Variants in EXTL3 observed in about 807,000 individuals in gnomAD.
EXTL3 encodes exostosin like glycosyltransferase 3.
Under a neutral mutation model 69.3 loss-of-function variants are expected in EXTL3, and 27 were observed. That is an observed-to-expected ratio of 0.39 (90% CI 0.29 to 0.54). EXTL3 has a LOEUF of 0.54. Ranked by LOEUF, EXTL3 falls within the 20% of genes least tolerant of loss-of-function variation. EXTL3 has a pLI of 0.69. For synonymous variants in EXTL3, 511 were observed against 499.4 expected (o/e 1.02, Z -0.31); for missense variants, 1,003 against 1,231.8 (o/e 0.81, Z 2.78).
At chr8:28,659,902 A>G (rs1055104705) in intron 1 of EXTL3, among the ~76,000 whole-genome samples, 1 of 152,182 alleles carries the variant, frequency 6.6e-6, no homozygotes, top group African/African-American at 2.4e-5. Context: ...CTGGGGGTCC[A>G]GGGGTTTTCA....
Position 28,638,938 on chromosome 8 carries a change from AT to A in EXTL3, c.-53+16145del, listed in dbSNP as rs61228702. 8.2e-3 allele frequency among the ~76,000 whole-genome samples: 1,119 copies of A among 136,038 alleles called. 2 individuals are homozygous for A. The highest frequency in any genetic ancestry group is 0.012 in the Admixed American group (159 of 13,620). 89.2% of individuals were successfully genotyped at this position (136,038 alleles called of 152,430 possible). Reference sequence around the variant, plus strand: ...GAGCCACTGAGCCTGGCTAGGAATAATTTTTTTTTTTTTTTTTGAGATGGAG... The same window carrying A: ...GAGCCACTGAGCCTGGCTAGGAATAATTTTTTTTTTTTTTTTGAGATGGAG... On this transcript the variant is annotated intron_variant, in intron 1 of 6. Transcript: ENST00000523149.
upstream of EXTL3, among the ~76,000 whole-genome samples, chr8:28,619,307 A>C (rs1033847231): frequency 1.6e-4 from 18 of 112,962 alleles, no homozygotes; most frequent in South Asian, 1.4e-3. Context: ...AAAAAAAAAA[A>C]AAAAAAAACC....
intron 1 of EXTL3, among the ~76,000 whole-genome samples, chr8:28,638,102 T>C (rs1490535737): frequency 2.6e-5 from 4 of 152,222 alleles, no homozygotes; most frequent in African/African-American, 9.6e-5. Flanking sequence ...CTTGGTCTTA[T>C]CTTCCTGGAT....
chr8:28,701,944 A>T (rs1585260373), intron 1 of EXTL3, among the ~76,000 whole-genome samples: 1 of 142,986 alleles, frequency 7.0e-6, no homozygotes, highest in African/African-American at 2.7e-5. Context: ...CCCCGCCCCC[A>T]CACGCCCTCT....
At chr8:28,635,098 T>G (rs985804340) in intron 1 of EXTL3, among the ~76,000 whole-genome samples, 22 of 152,114 alleles carry the variant, frequency 1.4e-4, no homozygotes, top group Non-Finnish European at 2.8e-4. Flanking sequence ...AGGAATGAAC[T>G]TTCTAGCTCA....
In EXTL3 at chr8:28,708,426, C is replaced by CTTTTT. The variant is rs71549693; in HGVS notation, c.-569-5015_-569-5011dup. The stretch of plus-strand genomic sequence containing the variant: ...TACAATTAGTTTCCCTGGGAAGTGC[C>CTTTTT]TTTTTTTTTTTTTTTTTTTTAAACA... On this transcript the variant is annotated intron_variant, in intron 1 of 6. Transcript: ENST00000220562. Among the ~76,000 whole-genome samples, 3 of 118,750 alleles carry CTTTTT rather than the reference C, an allele frequency of 2.5e-5. 1 individual carries two copies. The highest frequency in any genetic ancestry group is 2.5e-4 in the East Asian group (1 of 4,054). The allele number at this position is 118,750 out of a possible 152,430, so 77.9% of individuals were successfully genotyped here.
intron 1 of EXTL3, among the ~76,000 whole-genome samples, chr8:28,691,955 G>C (rs1800622604): frequency 1.3e-5 from 2 of 152,198 alleles, no homozygotes; most frequent in East Asian, 3.9e-4. Context: ...GATAAATAGA[G>C]CATTATTGAA....
At chr8:28,646,203 ATTAATGTAATTATTTTATATAGT>A (rs1217850416) in intron 1 of EXTL3, among the ~76,000 whole-genome samples, 1 of 152,232 alleles carries the variant, frequency 6.6e-6, no homozygotes, top group African/African-American at 2.4e-5. Context: ...CAGAGCTTAT[ATTAATGTAATTATTTTATATAGT>A]TCTTTTTCCT....
At chr8:28,660,685 C>T (rs1293754382) in intron 1 of EXTL3, among the ~76,000 whole-genome samples, 2 of 152,044 alleles carry the variant, frequency 1.3e-5, no homozygotes, top group Non-Finnish European at 2.9e-5. Flanking sequence ...ACTCTGTACC[C>T]ACTAAATACT....
chr8:28,686,078 T>C (rs1807572469), intron 1 of EXTL3: 1 of 152,036 alleles, frequency 6.6e-6, no homozygotes, highest in African/African-American at 2.4e-5. Flanking sequence ...GTTTTTCAGG[T>C]TGGTCTCTAA....
At chr8:28,651,757 A>G (rs1171110148) in intron 1 of EXTL3, among the ~76,000 whole-genome samples, 1 of 152,218 alleles carries the variant, frequency 6.6e-6, no homozygotes, top group Non-Finnish European at 1.5e-5. Flanking sequence ...AGTGGCATTC[A>G]TTACATTCAT....
intron 1 of EXTL3, among the ~76,000 whole-genome samples, chr8:28,629,710 C>T (rs534935704): frequency 1.4e-4 from 21 of 152,138 alleles, no homozygotes; most frequent in Admixed American, 4.6e-4. Context: ...GGTTCCAATT[C>T]GGATGTGTGT....
intron 3 of EXTL3, among the ~76,000 whole-genome samples, chr8:28,724,288 C>G (rs1387709346): frequency 6.6e-6 from 1 of 152,158 alleles, no homozygotes; most frequent in Admixed American, 6.5e-5. Flanking sequence ...AACTTTTTCT[C>G]TTATAAGTTA....
At chr8:28,616,621 C>T (rs1406873300) in intron 2 of EXTL3, among the ~76,000 whole-genome samples, 3 of 142,216 alleles carry the variant, frequency 2.1e-5, no homozygotes, top group Non-Finnish European at 4.6e-5. Flanking sequence ...AGCGAGACTC[C>T]GTCTCAAAAA....
intron 2 of EXTL3, among the ~76,000 whole-genome samples, chr8:28,615,947 TCA>T: frequency 6.6e-6 from 1 of 152,132 alleles, no homozygotes; most frequent in South Asian, 2.1e-4. Context: ...ATTAAATCTA[TCA>T]GTAGGCCAGG....
intron 2 of EXTL3, among the ~76,000 whole-genome samples, chr8:28,714,390 A>C (rs13248618): frequency 6.6e-6 from 1 of 152,160 alleles, no homozygotes; most frequent in Non-Finnish European, 1.5e-5. Flanking sequence ...AGACTATTAC[A>C]CCTTTAATAG....
chr8:28,702,545 G>T (rs999870114), intron 1 of EXTL3, among the ~76,000 whole-genome samples: 1 of 151,716 alleles, frequency 6.6e-6, no homozygotes, highest in Non-Finnish European at 1.5e-5. Context: ...AAATTTTGTG[G>T]ATTTTGCCCC....
At chr8:28,728,024 C>T (rs1801449398) in intron 3 of EXTL3, among the ~76,000 whole-genome samples, 3 of 152,130 alleles carry the variant, frequency 2.0e-5, no homozygotes, top group South Asian at 2.1e-4. Context: ...TCATTTTAAG[C>T]TGTGTGAGGG....
intron 2 of EXTL3, among the ~76,000 whole-genome samples, chr8:28,616,788 C>T (rs1466574022): frequency 1.3e-5 from 2 of 152,132 alleles, no homozygotes; most frequent in African/African-American, 4.8e-5. Flanking sequence ...CATCAGGGTT[C>T]CCAGGAAACA....
Sources: gnomAD v4.1 joint callset for allele counts (sites outside exome capture counted in the v4.1 genomes callset) on GRCh38, gnomAD v4.1.1 for gene constraint, MANE v1.5 for transcripts, NCBI Gene and HGNC (gene_info 2026-07-23, HGNC 2026-07-21) for gene names.